Variants in GTPBP1 observed in about 807,000 individuals in gnomAD.
GTPBP1 encodes the protein GTP-binding protein 1.
In GTPBP1, 23 loss-of-function variants were observed where a neutral mutation model predicts 62.0. The ratio of observed to expected loss-of-function variants is 0.37; its 90% CI spans 0.27 to 0.53. GTPBP1 has a LOEUF of 0.53. Among genes scored for constraint, GTPBP1 ranks in the 20% least tolerant of loss-of-function variants. The probability of loss-of-function intolerance (pLI) is 0.89; values close to 1 mark genes in which losing one functional copy is unlikely to be tolerated. For missense variants in GTPBP1, 640 were observed against 917.3 expected, an observed-to-expected ratio of 0.70 and a Z score of 3.90; for synonymous variants, 344 against 364.4, an observed-to-expected ratio of 0.94 and a Z score of 0.64.
intron 2 of GTPBP1, among the ~76,000 whole-genome samples, chr22:38,714,810 C>G (rs915993465): frequency 6.6e-6 from 1 of 152,018 alleles, no homozygotes; most frequent in Non-Finnish European, 1.5e-5. Flanking sequence ...CAGGGGTGCT[C>G]TCAGAGACAG....
Position 38,716,817 on chromosome 22 carries a change from C to G in GTPBP1, c.651C>G (p.Gly217=). 6.2e-7 allele frequency: 1 copy of G among 1,614,204 alleles called. No homozygotes were observed. Among genetic ancestry groups the G allele is most frequent in the Non-Finnish European group, 8.5e-7 (1 of 1,180,028 alleles). The change falls in exon 4 of 12, where the codon GGC becomes GGG. Residue 217 remains glycine (G), a synonymous_variant. Transcript: ENST00000216044. This position sits in a 1 kb window ranked among gnomAD's most constrained non-coding sequence, Gnocchi z 5.2. Reference sequence around the variant, plus strand: ...GCAGTGTGGGCAACGACATTCTGGGCTTTGACAGTGAAGGCAATGTAGTGA... The same window carrying G: ...GCAGTGTGGGCAACGACATTCTGGGGTTTGACAGTGAAGGCAATGTAGTGA... ...RTSSVGNDIL[G]FDSEGNVVNK... is the part of the protein sequence containing the mutation.
downstream of GTPBP1, chr22:38,743,069 G>A (rs768460077): frequency 1.1e-3 from 161 of 152,774 alleles, 1 homozygote; most frequent in Non-Finnish European, 9.1e-4. Context: ...TTCCTCTTTA[G>A]CTGGATGTCC....
downstream of GTPBP1, chr22:38,739,314 G>C (rs1422157503): frequency 6.2e-7 from 1 of 1,610,882 alleles, no homozygotes; most frequent in East Asian, 2.2e-5. This position sits in a 1 kb window ranked among gnomAD's most constrained non-coding sequence, Gnocchi z 6.7. Context: ...TCCAGGACAA[G>C]GCAGAGCGAG....
In GTPBP1 at chr22:38,728,150, A is replaced by G; in HGVS notation, c.1705A>G (p.Thr569Ala). 6.2e-7 allele frequency: 1 copy of G among 1,612,868 alleles called. No individual in the cohort carries two copies. The highest frequency in any genetic ancestry group is 8.5e-7 in the Non-Finnish European group (1 of 1,179,174). The change falls in exon 10 of 12, where the codon ACC (threonine) becomes GCC (alanine). Residue 569 changes from threonine to alanine, a missense_variant. By Grantham distance (58) the Thr-to-Ala change is moderately conservative. Around this residue, in one of 4 missense-constraint regions of GTPBP1, gnomAD observed 220 missense variants for 358.1 expected, o/e 0.61. Transcript: ENST00000216044. ...GGAAGGCCGCACCAAGGCTGTCGGC[A>G]CCATCACCAAGGTATGGCCAGGACA... ...FREGRTKAVG[T>A]ITKLLQTTNN...
rs1469168562 is a variant in GTPBP1, at chr22:38,730,171, G to A, written c.1918-441G>A. 5.3e-5 allele frequency among the ~76,000 whole-genome samples: 8 copies of A among 152,178 alleles called. No individual in the cohort carries two copies. The East Asian group carries it at 7.7e-4, about 15-fold the overall frequency. On this transcript the variant is annotated intron_variant, in intron 11 of 11. Transcript: ENST00000216044. This position sits in a 1 kb window ranked among gnomAD's most constrained non-coding sequence, Gnocchi z 5.6. ...TCTCCCACAGGCACTCTCTCCTGGCGTGATGAAGGCCTGGTGCCCCTTGCA... is the reference window on the plus strand; with the variant it reads ...TCTCCCACAGGCACTCTCTCCTGGCATGATGAAGGCCTGGTGCCCCTTGCA...
At position 38,715,977 on chromosome 22, in the gene GTPBP1, A is replaced by C; in HGVS notation, c.375A>C (p.Glu125Asp). ...ASYATVKSMA[E>D]QIEADVILLR... ...ACGCCACAGTGAAGAGCATGGCGGAACAGATAGAGGCCGATGTCATCCTTC... is the reference window on the plus strand; with the variant it reads ...ACGCCACAGTGAAGAGCATGGCGGACCAGATAGAGGCCGATGTCATCCTTC... The change falls in exon 3 of 12, where the codon GAA (glutamate) becomes GAC (aspartate). Residue 125 changes from glutamate to aspartate, a missense_variant. Coordinates refer to ENST00000216044, the MANE Select transcript of GTPBP1 (RefSeq NM_004286.5). 1 of 1,614,044 alleles carries C rather than the reference A, an allele frequency of 6.2e-7. No individual in the cohort carries two copies. Among genetic ancestry groups the C allele is most frequent in the Middle Eastern group, 1.6e-4 (1 of 6,062 alleles).
Position 38,706,063 on chromosome 22 carries a change from C to T in GTPBP1, c.108C>T (p.Ala36=). The change falls in exon 1 of 12, where the codon GCC becomes GCT. Residue 36 remains alanine (A), a synonymous_variant. Coordinates refer to ENST00000216044, the MANE Select transcript of GTPBP1 (RefSeq NM_004286.5). ...CGGCCAGGGCCGCGGCGGCCGCCGC[C>T]CGACTCCACGGCGGCTTTGACTCGG... ...PGAARAAAAA[A]RLHGGFDSDC... is the part of the protein sequence containing the mutation. The T allele has an allele frequency of 1.5e-6, 2 of 1,365,306 alleles. No individual in the cohort carries two copies. The highest frequency in any genetic ancestry group is 3.1e-5 in the East Asian group (1 of 32,492). 84.6% of individuals were successfully genotyped at this position (1,365,306 alleles called of 1,614,324 possible). A position where few individuals can be genotyped will look rare whatever the true frequency, so the allele number is the denominator to read the frequency against.
At chr22:38,741,329 C>T (rs1337894425), downstream of GTPBP1, among the ~76,000 whole-genome samples, 1 of 152,148 alleles carries the variant, frequency 6.6e-6, no homozygotes, top group African/African-American at 2.4e-5. Context: ...CTGCACAGCT[C>T]TCCAACTAAG....
chr22:38,738,072 C>T (rs2092822004), downstream of GTPBP1: 1 of 1,037,822 alleles, frequency 9.6e-7, no homozygotes, highest in Non-Finnish European at 1.5e-6. The surrounding 1 kb of genome is among the most constrained non-coding windows in gnomAD (Gnocchi z 6.6). Flanking sequence ...GCAGGGCTTC[C>T]CTCTCTGAAC....
chr22:38,728,278 A>G lies in GTPBP1; in HGVS notation c.1716+117A>G, dbSNP rs541316017. The G allele has an allele frequency of 1.9e-5, 14 of 728,344 alleles. No individual in the cohort carries two copies. In the South Asian group the frequency reaches 2.0e-4, roughly 10 times the overall value. The allele number at this position is 728,344 out of a possible 1,614,324, so 45.1% of individuals were successfully genotyped here. On this transcript the variant is annotated intron_variant, in intron 10 of 11. Transcript: ENST00000216044. ...TGCCATGGGAGAGCTGGACCCACTG[A>G]GGTGTGGCCTCGGTGCCATCTCTCT...
intron 10 of GTPBP1, chr22:38,728,391 C>T (rs532911558): frequency 3.1e-5 from 16 of 523,040 alleles, no homozygotes; most frequent in Admixed American, 1.2e-4. Flanking sequence ...TATGATCTTC[C>T]TCCATAGAAA....
downstream of GTPBP1, chr22:38,741,181 A>G (rs1367422852): frequency 2.0e-6 from 2 of 1,004,506 alleles, no homozygotes; most frequent in African/African-American, 1.6e-5. Flanking sequence ...CCCTGCAGCA[A>G]AAATCAAACT....
downstream of GTPBP1, chr22:38,737,695 C>G (rs576632315): frequency 2.2e-5 from 8 of 357,312 alleles, no homozygotes; most frequent in East Asian, 5.9e-4. The surrounding 1 kb of genome is among the most constrained non-coding windows in gnomAD (Gnocchi z 4.1). Flanking sequence ...ATGCAGGCTC[C>G]TGGGTCCTGT....
chr22:38,726,074 A>G lies in GTPBP1; in HGVS notation c.1142A>G (p.Asn381Ser). 6.2e-7 allele frequency: 1 copy of G among 1,613,398 alleles called. No homozygotes were observed. The highest frequency in any genetic ancestry group is 8.5e-7 in the Non-Finnish European group (1 of 1,179,790). The change falls in exon 7 of 12, where the codon AAC becomes AGC. Residue 381 changes from asparagine to serine, a missense_variant. Physicochemically the swap from Asn to Ser is conservative, Grantham distance 46. Transcript: ENST00000216044. The surrounding 1 kb of genome is among the most constrained non-coding windows in gnomAD (Gnocchi z 4.1). ...CTAGATCTGCTGAAGATGTTCCTCAACCTCCTCTCCCCCCGCACCAGCTAC... is the reference window on the plus strand; with the variant it reads ...CTAGATCTGCTGAAGATGTTCCTCAGCCTCCTCTCCCCCCGCACCAGCTAC... ...ENLDLLKMFL[N>S]LLSPRTSYRE...
chr22:38,715,990 G>T lies in GTPBP1; in HGVS notation c.388G>T (p.Asp130Tyr). The T allele has an allele frequency of 6.2e-7, 1 of 1,614,050 alleles. No homozygotes were observed. The highest frequency in any genetic ancestry group is 1.7e-5 in the Admixed American group (1 of 60,024). Residue 130 changes from aspartate to tyrosine, a missense_variant, in exon 3 of 12, where the codon GAT becomes TAT. Around this residue, in one of 4 missense-constraint regions of GTPBP1, gnomAD observed 215 missense variants for 235.1 expected, o/e 0.91. Transcript: ENST00000216044. The stretch of plus-strand genomic sequence containing the variant: ...GAGCATGGCGGAACAGATAGAGGCC[G>T]ATGTCATCCTTCTGCGGGAACGGCA... ...VKSMAEQIEA[D>Y]VILLRERQEA...
At chr22:38,712,814 C>G (rs1243375287) in intron 2 of GTPBP1, among the ~76,000 whole-genome samples, 1 of 152,148 alleles carries the variant, frequency 6.6e-6, no homozygotes, top group Non-Finnish European at 1.5e-5. Flanking sequence ...AGGAACACTC[C>G]CAGCAAACCC....
chr22:38,706,337 T>TCC (rs1320788457), intron 1 of GTPBP1, among the ~76,000 whole-genome samples, 190 bp downstream of exon 1: 6 of 152,094 alleles, frequency 3.9e-5, no homozygotes, highest in African/African-American at 1.4e-4. Flanking sequence ...GTCCCCATGG[T>TCC]CCCCGCACCC....
At chr22:38,721,993 T>C (rs563294354) in intron 5 of GTPBP1, 128 bp downstream of exon 5, 72 of 498,708 alleles carry the variant, frequency 1.4e-4, no homozygotes, top group African/African-American at 1.3e-3. Context: ...TTTTTTTATT[T>C]TACAATATGT....
At chr22:38,729,757 T>C in intron 11 of GTPBP1, 95 bp downstream of exon 11, 1 of 919,234 alleles carries the variant, frequency 1.1e-6, no homozygotes, top group Non-Finnish European at 1.5e-6. Context: ...GCCTCAAACC[T>C]GGCTAGAGGG....
Sources: allele counts gnomAD v4.1 joint callset (sites outside exome capture counted in the v4.1 genomes callset), GRCh38; gene constraint gnomAD v4.1.1; regional missense constraint gnomAD v4.1.1; non-coding constraint Gnocchi (gnomAD v3.1); transcripts MANE v1.5; gene names NCBI Gene and HGNC (gene_info 2026-07-23, HGNC 2026-07-21).